RANBP2: variants seen among roughly 807,000 people sequenced by gnomAD.
RANBP2 encodes RAN binding protein 2.
In RANBP2, 57 loss-of-function variants were observed where a neutral mutation model predicts 303.6. The observed-to-expected ratio is 0.19, with a 90% confidence interval of 0.15 to 0.23. RANBP2 has a LOEUF of 0.23. Ranked by LOEUF, RANBP2 falls within the 10% of genes least tolerant of loss-of-function variation. The pLI is 1.00. For missense variants in RANBP2, 3,138 were observed against 3,780.8 expected (o/e 0.83, Z 4.46); for synonymous variants, 1,167 against 1,301.5 (o/e 0.90, Z 2.23).
chr2:109,053,519 G>C, the RANBP2 span, among the ~76,000 whole-genome samples: 1 of 152,194 alleles, frequency 6.6e-6, no homozygotes, highest in Non-Finnish European at 1.5e-5. Flanking sequence ...CAGCTGGAGC[G>C]CAAGTGGAGC....
At chr2:108,906,319 C>T in the RANBP2 span, 2 of 1,614,208 alleles carry the variant, frequency 1.2e-6, no homozygotes, top group Non-Finnish European at 1.7e-6. Context: ...TTCCACGACT[C>T]CACACACGTT....
At chr2:109,228,548 G>A in the RANBP2 span, among the ~76,000 whole-genome samples, 1 of 152,194 alleles carries the variant, frequency 6.6e-6, no homozygotes, top group African/African-American at 2.4e-5. Flanking sequence ...AGCTAGTATG[G>A]ACCCTGCAGG....
chr2:109,511,988 C>T, the RANBP2 span, among the ~76,000 whole-genome samples: 1 of 152,176 alleles, frequency 6.6e-6, no homozygotes, highest in Non-Finnish European at 1.5e-5. Flanking sequence ...GCCCAGAGGA[C>T]TCTGGGACTC....
rs542320656 is a variant in RANBP2, at chr2:108,767,497, G to A, written c.6958G>A (p.Val2320Ile). The A allele has an allele frequency of 2.5e-6, 4 of 1,611,922 alleles. No homozygotes were observed. In the South Asian group the frequency reaches 4.4e-5, roughly 18 times the overall value. The change falls in exon 20 of 29, where the codon GTT becomes ATT. Residue 2320 changes from valine to isoleucine, a missense_variant. Transcript: ENST00000283195. Reference protein sequence around the residue: ...FEPVVPLPDLVEVSSGEENEQ... With the variant: ...FEPVVPLPDLIEVSSGEENEQ... The stretch of plus-strand genomic sequence containing the variant: ...ACCTGTTGTTCCTTTACCTGATCTA[G>A]TTGAAGTATCCAGTGGTGAGGAAAA...
the RANBP2 span, among the ~76,000 whole-genome samples, chr2:109,146,158 A>C: frequency 6.6e-6 from 1 of 152,188 alleles, no homozygotes; most frequent in Non-Finnish European, 1.5e-5. Flanking sequence ...AGTTTTCATT[A>C]GAATACGTAT....
chr2:109,682,969 A>T, the RANBP2 span, among the ~76,000 whole-genome samples: 268 of 152,026 alleles, frequency 1.8e-3, no homozygotes, highest in African/African-American at 6.1e-3. Flanking sequence ...AATCATCCAC[A>T]CTTCCCCATC....
the RANBP2 span, among the ~76,000 whole-genome samples, chr2:109,156,710 T>TGG: frequency 6.6e-6 from 1 of 152,190 alleles, no homozygotes; most frequent in African/African-American, 2.4e-5. Context: ...CCCAAAGTGC[T>TGG]GGGATTACAG....
the RANBP2 span, among the ~76,000 whole-genome samples, chr2:109,388,984 C>T: frequency 1.3e-5 from 2 of 152,160 alleles, no homozygotes. Context: ...GGCTGATGTC[C>T]TGTAAACCAC....
the RANBP2 span, among the ~76,000 whole-genome samples, chr2:109,061,479 GC>G: frequency 2.6e-5 from 4 of 152,106 alleles, no homozygotes; most frequent in Non-Finnish European, 5.9e-5. Flanking sequence ...CAGCCTGTGT[GC>G]ATGGCAAGCC....
the RANBP2 span, among the ~76,000 whole-genome samples, chr2:109,117,962 T>C: frequency 2.0e-5 from 3 of 152,342 alleles, no homozygotes; most frequent in Non-Finnish European, 2.9e-5. Flanking sequence ...GCCTGCCCTC[T>C]GAGGCAAGAT....
chr2:109,432,445 G>A, the RANBP2 span: 71 of 1,598,350 alleles, frequency 4.4e-5, no homozygotes, highest in Admixed American at 2.4e-4. Context: ...AATGCCGGCC[G>A]GTCCCCTATC....
At chr2:109,567,064 G>A in the RANBP2 span, among the ~76,000 whole-genome samples, 2 of 152,038 alleles carry the variant, frequency 1.3e-5, no homozygotes, top group African/African-American at 2.4e-5. Flanking sequence ...AAAGTGGTAT[G>A]AAAAATCAGA....
the RANBP2 span, among the ~76,000 whole-genome samples, chr2:109,596,471 G>C: frequency 1.3e-5 from 2 of 151,958 alleles, no homozygotes; most frequent in East Asian, 3.9e-4. Context: ...CAAAAAATTA[G>C]CCGAGCGTGC....
At chr2:109,229,174 C>T in the RANBP2 span, among the ~76,000 whole-genome samples, 1 of 152,190 alleles carries the variant, frequency 6.6e-6, no homozygotes, top group Admixed American at 6.5e-5. Context: ...GTGCCAGGAA[C>T]CAGGGACAAA....
At chr2:109,547,992 T>C in the RANBP2 span, among the ~76,000 whole-genome samples, 3 of 152,156 alleles carry the variant, frequency 2.0e-5, no homozygotes, top group Non-Finnish European at 4.4e-5. Context: ...TTAGGAGCTA[T>C]GTCTTTTTCA....
chr2:109,152,386 A>G, the RANBP2 span, among the ~76,000 whole-genome samples: 1 of 152,142 alleles, frequency 6.6e-6, no homozygotes, highest in African/African-American at 2.4e-5. Flanking sequence ...TTGTTAGCTG[A>G]CATGTACAGC....
At chr2:109,396,993 C>T in the RANBP2 span, among the ~76,000 whole-genome samples, 1 of 152,210 alleles carries the variant, frequency 6.6e-6, no homozygotes, top group East Asian at 1.9e-4. Flanking sequence ...ATGAAGGCTT[C>T]AGAATGCCCC....
At chr2:109,592,735 A>C in the RANBP2 span, among the ~76,000 whole-genome samples, 1 of 149,470 alleles carries the variant, frequency 6.7e-6, no homozygotes, top group East Asian at 2.0e-4. Flanking sequence ...AGCCGAGATC[A>C]TGCCACTCCA....
the RANBP2 span, among the ~76,000 whole-genome samples, chr2:109,561,410 C>T: frequency 6.6e-6 from 1 of 152,132 alleles, no homozygotes; most frequent in African/African-American, 2.4e-5. Flanking sequence ...CTACAATGTA[C>T]TGTGCAATTA....
Sources: gnomAD v4.1 joint callset for allele counts (sites outside exome capture counted in the v4.1 genomes callset) on GRCh38, gnomAD v4.1.1 for gene constraint, MANE v1.5 for transcripts, NCBI Gene and HGNC (gene_info 2026-07-23, HGNC 2026-07-21) for gene names.